FNIP1: variants seen among roughly 807,000 people sequenced by gnomAD.
The protein encoded by FNIP1 is folliculin-interacting protein 1.
Under a neutral mutation model 124.5 loss-of-function variants are expected in FNIP1, and 40 were observed. The observed-to-expected ratio is 0.32, with a 90% CI of 0.25 to 0.42. The LOEUF (loss-of-function observed/expected upper bound fraction) is 0.42. Among genes scored for constraint, FNIP1 ranks in the 10% least tolerant of loss-of-function variants. FNIP1 has a pLI of 1.00. For synonymous variants in FNIP1, 472 were observed against 470.6 expected (o/e 1.00, Z -0.04); for missense variants, 1,176 against 1,403.7 (o/e 0.84, Z 2.59).
intron 1 of FNIP1, chr5:131,795,789 CAG>C (rs1438284551): frequency 2.0e-5 from 3 of 152,084 alleles, no homozygotes; most frequent in Non-Finnish European, 1.5e-5. Flanking sequence ...CAAAATTTGA[CAG>C]ATTCTCTTTT....
chr5:131,679,032 T>G lies in FNIP1; in HGVS notation c.1346A>C (p.Asn449Thr), dbSNP rs1400473357. The change falls in exon 12 of 18, where the codon AAT becomes ACT. Residue 449 changes from asparagine (N) to threonine (T), a missense_variant. Transcript: ENST00000510461. ...GTTATAATAAATAAATTCATACTGATTTTTGGAAGCATTTTCCATTAGAAA... is the reference window on the plus strand; with the variant it reads ...GTTATAATAAATAAATTCATACTGAGTTTTGGAAGCATTTTCCATTAGAAA... ...FTFLMENASK[N>T]QFLPALITAV... The G allele has an allele frequency of 1.2e-6, 2 of 1,602,964 alleles. No homozygotes were observed. The highest frequency in any genetic ancestry group is 1.1e-5 in the South Asian group (1 of 87,970).
rs184072926 is a variant in FNIP1, at chr5:131,691,469, A to T, written c.1202+7448T>A. Among the ~76,000 whole-genome samples, 727 of 152,300 alleles carry T rather than the reference A, an allele frequency of 4.8e-3. 5 individuals are homozygous for T. The highest frequency in any genetic ancestry group is 0.017 in the African/African-American group (690 of 41,584). On this transcript the variant is annotated intron_variant, in intron 11 of 17. Transcript: ENST00000510461. ...CATAAAACTAAAGCATTCAAGAGAT[A>T]AGGAATAGTAAAATCTAGAGCAGAA...
intron 1 of FNIP1, among the ~76,000 whole-genome samples, chr5:131,764,815 A>G (rs903037695): frequency 1.3e-5 from 2 of 152,062 alleles, no homozygotes; most frequent in African/African-American, 4.8e-5. Flanking sequence ...CCTCACTCAG[A>G]TATCAAAATT....
intron 11 of FNIP1, among the ~76,000 whole-genome samples, chr5:131,685,326 CA>C (rs910226479): frequency 6.6e-6 from 1 of 151,612 alleles, no homozygotes; most frequent in Non-Finnish European, 1.5e-5. Flanking sequence ...CTCTCAAAAA[CA>C]AAAACAATTT....
At chr5:131,716,798 C>T in intron 5 of FNIP1, 142 bp from the exon 6 acceptor site, 1 of 548,694 alleles carries the variant, frequency 1.8e-6, no homozygotes, top group Non-Finnish European at 3.2e-6. Context: ...TCATTTAAAT[C>T]AGAGGTTGGT....
At chr5:131,768,219 T>C (rs1422380550) in intron 1 of FNIP1, among the ~76,000 whole-genome samples, 1 of 152,168 alleles carries the variant, frequency 6.6e-6, no homozygotes, top group Non-Finnish European at 1.5e-5. Context: ...AAATGGCACA[T>C]TGGCAAATAG....
At chr5:131,684,908 C>T (rs1768220188) in intron 11 of FNIP1, among the ~76,000 whole-genome samples, 1 of 152,100 alleles carries the variant, frequency 6.6e-6, no homozygotes, top group Non-Finnish European at 1.5e-5. Context: ...CTGCCTTATA[C>T]TAATGCAATA....
chr5:131,649,095 G>A (rs768024724), intron 16 of FNIP1, among the ~76,000 whole-genome samples: 11 of 152,216 alleles, frequency 7.2e-5, no homozygotes, highest in African/African-American at 9.6e-5. Flanking sequence ...AACGTTTGGC[G>A]ATTGAGAATA....
intron 1 of FNIP1, among the ~76,000 whole-genome samples, chr5:131,785,070 TATATATGACATATATATATG>T (rs1772135512): frequency 7.3e-5 from 1 of 13,728 alleles, no homozygotes; most frequent in African/African-American, 2.0e-4. Context: ...ATATATATGA[TATATATGACATATATATATG>T]ATATATATGA....
At chr5:131,669,645 T>A (rs180931909) in intron 15 of FNIP1, among the ~76,000 whole-genome samples, 53 of 152,058 alleles carry the variant, frequency 3.5e-4, no homozygotes, top group African/African-American at 1.1e-3. Context: ...CATTCATGAT[T>A]AAGGGATGGA....
intron 11 of FNIP1, among the ~76,000 whole-genome samples, chr5:131,691,257 A>T (rs1041905906): frequency 6.6e-6 from 1 of 152,250 alleles, no homozygotes; most frequent in Non-Finnish European, 1.5e-5. Flanking sequence ...CACATAGGTC[A>T]AAGAAGACAT....
chr5:131,672,561 T>G lies in FNIP1; in HGVS notation c.1883A>C (p.Gln628Pro). 1 of 1,614,076 alleles carries G rather than the reference T, an allele frequency of 6.2e-7. No homozygotes were observed. Among genetic ancestry groups the G allele is most frequent in the Admixed American group, 1.7e-5 (1 of 60,026 alleles). Residue 628 changes from glutamine to proline, a missense_variant, in exon 14 of 18, where the codon CAA (glutamine) becomes CCA (proline). Gln to Pro is a moderately conservative substitution (Grantham distance 76). Transcript: ENST00000510461. Reference protein sequence around the residue: ...LGQNVENISQQEREDIQNSSK... With the variant: ...LGQNVENISQPEREDIQNSSK... ...GCTGTTTTGAATATCTTCTCTCTCT[T>G]GTTGTGAAATGTTCTCTACATTTTG...
At chr5:131,743,846 T>G (rs533664957) in intron 2 of FNIP1, among the ~76,000 whole-genome samples, 1 of 152,156 alleles carries the variant, frequency 6.6e-6, no homozygotes, top group South Asian at 2.1e-4. Context: ...GCACCCAGTC[T>G]ACAGTATTTT....
chr5:131,680,227 T>G (rs1418383122), intron 11 of FNIP1, among the ~76,000 whole-genome samples: 1 of 152,180 alleles, frequency 6.6e-6, no homozygotes, highest in Non-Finnish European at 1.5e-5. Flanking sequence ...TTTCCATAAA[T>G]TCTAATACCA....
chr5:131,739,682 C>A (rs1358741030), intron 2 of FNIP1, among the ~76,000 whole-genome samples: 3 of 151,590 alleles, frequency 2.0e-5, no homozygotes, highest in Non-Finnish European at 4.4e-5. Context: ...GCGTGGTGGC[C>A]GGTGCCTGTA....
At chr5:131,770,910 G>A (rs1270530977) in intron 1 of FNIP1, among the ~76,000 whole-genome samples, 1 of 152,096 alleles carries the variant, frequency 6.6e-6, no homozygotes, top group African/African-American at 2.4e-5. Context: ...CAGGAAAGAT[G>A]AATTAGAAAC....
intron 1 of FNIP1, 31 bp downstream of exon 1, chr5:131,796,799 G>A (rs369653763): frequency 2.6e-5 from 41 of 1,550,274 alleles, no homozygotes; most frequent in Non-Finnish European, 3.5e-5. Flanking sequence ...AAGGCCATCG[G>A]CTCCGCGACC....
At chr5:131,780,071 A>G (rs930407098) in intron 1 of FNIP1, among the ~76,000 whole-genome samples, 6 of 152,232 alleles carry the variant, frequency 3.9e-5, no homozygotes, top group African/African-American at 1.4e-4. Context: ...TAAAAGCTTT[A>G]AAATTTTTCA....
intron 1 of FNIP1, among the ~76,000 whole-genome samples, chr5:131,757,267 CAAG>C (rs1338666873): frequency 6.6e-6 from 1 of 152,026 alleles, no homozygotes; most frequent in Non-Finnish European, 1.5e-5. Context: ...AAGGTACAGC[CAAG>C]AAGAACACAT....
Sources: allele counts gnomAD v4.1 joint callset (sites outside exome capture counted in the v4.1 genomes callset), GRCh38; gene constraint gnomAD v4.1.1; transcripts MANE v1.5; gene names NCBI Gene and HGNC (gene_info 2026-07-23, HGNC 2026-07-21).